Variants in TRPM3 observed in about 807,000 individuals in gnomAD.
TRPM3 encodes long transient receptor potential channel 3.
TRPM3 carries 77 observed loss-of-function variants against 181.2 expected under a neutral mutation model. That is an observed-to-expected ratio of 0.42 (90% CI 0.35 to 0.51). The LOEUF (loss-of-function observed/expected upper bound fraction) is 0.51. Ranked by LOEUF, TRPM3 falls within the 20% of genes least tolerant of loss-of-function variation. TRPM3 has a pLI of 0.01. For synonymous variants in TRPM3, 745 were observed against 796.4 expected (o/e 0.94, Z 1.09); for missense variants, 1,759 against 2,196.7 (o/e 0.80, Z 3.98).
At chr9:71,223,133 G>T (rs2080348307) in intron 1 of TRPM3, among the ~76,000 whole-genome samples, 1 of 152,164 alleles carries the variant, frequency 6.6e-6, no homozygotes, top group South Asian at 2.1e-4. Flanking sequence ...AACCCAGGCA[G>T]CATAGCTCAT....
At chr9:71,189,566 T>C (rs935650272) in intron 1 of TRPM3, among the ~76,000 whole-genome samples, 2 of 151,902 alleles carry the variant, frequency 1.3e-5, no homozygotes, top group Non-Finnish European at 2.9e-5. Context: ...CCACGCTCCA[T>C]TCTACCTGGC....
At chr9:71,391,169 T>C (rs1324137614) in intron 1 of TRPM3, among the ~76,000 whole-genome samples, 2 of 152,028 alleles carry the variant, frequency 1.3e-5, no homozygotes, top group East Asian at 3.8e-4. Flanking sequence ...TGAGTGTCTA[T>C]TATGTACTAG....
At chr9:71,409,147 C>T (rs911796436) in intron 1 of TRPM3, among the ~76,000 whole-genome samples, 2 of 152,166 alleles carry the variant, frequency 1.3e-5, no homozygotes, top group African/African-American at 2.4e-5. Flanking sequence ...CCAGCCACTG[C>T]AAAAACATGA....
At chr9:71,409,762 G>T (rs1268446752) in intron 1 of TRPM3, among the ~76,000 whole-genome samples, 1 of 152,130 alleles carries the variant, frequency 6.6e-6, no homozygotes, top group South Asian at 2.1e-4. Flanking sequence ...GTGGACCTAA[G>T]AGACATCTAC....
intron 12 of TRPM3, among the ~76,000 whole-genome samples, chr9:70,633,580 C>T (rs2066302809): frequency 6.6e-6 from 1 of 152,098 alleles, no homozygotes; most frequent in Non-Finnish European, 1.5e-5. Flanking sequence ...GGAAAGTTTG[C>T]AAGGGCCAAA....
At chr9:71,297,357 T>C (rs1391722959) in intron 1 of TRPM3, among the ~76,000 whole-genome samples, 2 of 152,144 alleles carry the variant, frequency 1.3e-5, no homozygotes, top group Admixed American at 1.3e-4. Context: ...ATTTACTTGA[T>C]GATAGATGTA....
intron 1 of TRPM3, among the ~76,000 whole-genome samples, chr9:71,355,387 T>C (rs946930498): frequency 7.2e-5 from 11 of 151,930 alleles, no homozygotes; most frequent in Non-Finnish European, 1.3e-4. Context: ...GAGGCAAAAA[T>C]TGAAGTCATG....
At chr9:70,885,149 C>T (rs1478341629) in intron 1 of TRPM3, among the ~76,000 whole-genome samples, 2 of 152,196 alleles carry the variant, frequency 1.3e-5, no homozygotes, top group Non-Finnish European at 2.9e-5. Flanking sequence ...CCCTGCTCCC[C>T]TCTCCATCCT....
chr9:70,994,135 T>C (rs1436974148), intron 1 of TRPM3, among the ~76,000 whole-genome samples: 1 of 152,142 alleles, frequency 6.6e-6, no homozygotes, highest in Non-Finnish European at 1.5e-5. Flanking sequence ...GTCATGGAGG[T>C]CTGAGTCCTG....
intron 22 of TRPM3, among the ~76,000 whole-genome samples, chr9:70,586,884 T>C (rs546322247): frequency 1.3e-5 from 2 of 152,332 alleles, no homozygotes; most frequent in African/African-American, 4.8e-5. Context: ...AACAATTAAT[T>C]TGAGGCAGAA....
chr9:70,669,790 C>T (rs74987526), intron 9 of TRPM3, among the ~76,000 whole-genome samples: 3,212 of 148,474 alleles, frequency 0.022, 58 homozygotes, highest in Non-Finnish European at 0.033. Flanking sequence ...GTTGCCCAAG[C>T]TGGAATGCAG....
At chr9:71,349,502 G>A (rs1214167382) in intron 1 of TRPM3, among the ~76,000 whole-genome samples, 1 of 152,164 alleles carries the variant, frequency 6.6e-6, no homozygotes, top group Non-Finnish European at 1.5e-5. Flanking sequence ...ATAACGTTCA[G>A]TAAATCGTTT....
At chr9:70,958,905 C>CA (rs1033265554) in intron 1 of TRPM3, among the ~76,000 whole-genome samples, 27 of 150,158 alleles carry the variant, frequency 1.8e-4, no homozygotes, top group African/African-American at 6.1e-4. Context: ...ATCGCAAGGA[C>CA]AAAAAACCAA....
intron 15 of TRPM3, 120 bp downstream of exon 15, chr9:70,621,124 T>C (rs1023849745): frequency 3.9e-6 from 1 of 254,176 alleles, no homozygotes; most frequent in African/African-American, 2.4e-5. Context: ...ATATATAGTA[T>C]ATATATTATG....
At chr9:71,115,665 G>A (rs534062280) in intron 1 of TRPM3, among the ~76,000 whole-genome samples, 2 of 152,254 alleles carry the variant, frequency 1.3e-5, no homozygotes, top group South Asian at 4.1e-4. Flanking sequence ...CCTTGCCAGG[G>A]ACGTTACTGT....
chr9:70,989,583 AG>A (rs1243023117), intron 1 of TRPM3, among the ~76,000 whole-genome samples: 1 of 152,152 alleles, frequency 6.6e-6, no homozygotes, highest in Non-Finnish European at 1.5e-5. Context: ...GGGTGGGGGT[AG>A]GATGGAGGTT....
intron 1 of TRPM3, among the ~76,000 whole-genome samples, chr9:71,065,416 T>A (rs1238043090): frequency 6.6e-6 from 1 of 152,136 alleles, no homozygotes; most frequent in African/African-American, 2.4e-5. Context: ...AATGAGTGAA[T>A]CAATGAATTA....
At chr9:71,374,096 C>T (rs944089220) in intron 1 of TRPM3, among the ~76,000 whole-genome samples, 10 of 152,110 alleles carry the variant, frequency 6.6e-5, no homozygotes, top group Non-Finnish European at 1.2e-4. Context: ...CTCTCAAAGG[C>T]CAGGCACAGT....
chr9:70,622,909 AT>A (rs562273597), intron 14 of TRPM3, among the ~76,000 whole-genome samples: 5 of 151,660 alleles, frequency 3.3e-5, no homozygotes, highest in Admixed American at 3.3e-4. Context: ...TATCTATTTC[AT>A]TTTTTTCTTA....
Sources: allele counts gnomAD v4.1 joint callset (sites outside exome capture counted in the v4.1 genomes callset), GRCh38; gene constraint gnomAD v4.1.1; transcripts MANE v1.5; gene names NCBI Gene and HGNC (gene_info 2026-07-23, HGNC 2026-07-21).